Variants in RNF10 observed in about 807,000 individuals in gnomAD.
RNF10 encodes the protein E3 ubiquitin-protein ligase RNF10.
A neutral mutation model predicts 91.4 loss-of-function variants in RNF10; 38 were observed. The observed-to-expected ratio is 0.42, with a 90% CI of 0.32 to 0.54. The LOEUF (loss-of-function observed/expected upper bound fraction) is 0.54, where lower values mean the gene tolerates loss of function less well. RNF10 is among the 20% of genes least tolerant of loss of function. RNF10 has a pLI of 0.16. For synonymous variants in RNF10, 364 were observed against 366.3 expected, an observed-to-expected ratio of 0.99 and a Z score of 0.07; for missense variants, 945 against 1,012.0, an observed-to-expected ratio of 0.93 and a Z score of 0.90.
chr12:120,547,847 G>C (rs1016035882), intron 2 of RNF10, among the ~76,000 whole-genome samples: 1 of 152,158 alleles, frequency 6.6e-6, no homozygotes, highest in Non-Finnish European at 1.5e-5. Flanking sequence ...AACCTGATGC[G>C]GAGTTTTAAA....
chr12:120,546,485 C>T lies in RNF10; in HGVS notation c.238C>T (p.Gln80Ter). 6.2e-7 allele frequency: 1 copy of T among 1,614,146 alleles called. No individual in the cohort carries two copies. Among genetic ancestry groups the T allele is most frequent in the Non-Finnish European group, 8.5e-7 (1 of 1,180,006 alleles). ...CCCCAAAAATGAAAGTTTTAACAAC[C>T]AGTCCCGTCGCTCCAGTTCACAGAA... ...SYPKNESFNNQSRRSSSQKSK... is the reference protein window; with the variant it reads ...SYPKNESFNN Residue 80 changes from glutamine (Q) to a stop codon, truncating the protein, a stop_gained, in exon 2 of 17, where the codon CAG becomes TAG. Coordinates refer to ENST00000325954, the MANE Select transcript of RNF10 (RefSeq NM_014868.5). LOFTEE classifies it high-confidence loss of function.
chr12:120,570,242 A>G (rs1378542898), intron 13 of RNF10: 1 of 144,876 alleles, frequency 6.9e-6, no homozygotes, highest in Admixed American at 7.1e-5. Flanking sequence ...GCTGGAGCAC[A>G]ATGGCACGAT....
chr12:120,567,105 T>G, intron 13 of RNF10, 125 bp downstream of exon 13: 1 of 858,954 alleles, frequency 1.2e-6, no homozygotes, highest in Non-Finnish European at 1.8e-6. Context: ...CTTACTTTGG[T>G]AGTCCTGAGG....
chr12:120,568,142 G>A (rs1876055518), intron 13 of RNF10, among the ~76,000 whole-genome samples: 1 of 152,080 alleles, frequency 6.6e-6, no homozygotes, highest in Non-Finnish European at 1.5e-5. Flanking sequence ...CTACTTGGGA[G>A]GCTGAGGTGG....
chr12:120,569,319 A>G (rs1254856562), intron 13 of RNF10, among the ~76,000 whole-genome samples: 2 of 151,466 alleles, frequency 1.3e-5, no homozygotes, highest in Admixed American at 6.6e-5. Flanking sequence ...CAAAGTGTCC[A>G]TCATTGGAAT....
At chr12:120,562,271 C>CTTTT (rs71076634) in intron 7 of RNF10, among the ~76,000 whole-genome samples, 146 of 100,048 alleles carry the variant, frequency 1.5e-3, no homozygotes, top group South Asian at 3.0e-3. Context: ...TTCTTTCTTT[C>CTTTT]TTTTTTTTTT....
chr12:120,548,808 CTA>C (rs1872660827), intron 2 of RNF10, among the ~76,000 whole-genome samples: 1 of 151,806 alleles, frequency 6.6e-6, no homozygotes, highest in African/African-American at 2.4e-5. Flanking sequence ...ACAGCTGGGA[CTA>C]TTAGCCCACC....
intron 4 of RNF10, among the ~76,000 whole-genome samples, chr12:120,556,541 A>AC (rs1466350728): frequency 1.3e-5 from 2 of 150,192 alleles, no homozygotes; most frequent in African/African-American, 4.9e-5. Context: ...AAAAAAAAAA[A>AC]AAAAAAAAAA....
Position 120,575,685 on chromosome 12 carries a change from A to G in RNF10, c.2197A>G (p.Lys733Glu). ...ADVWPKTAPK[K>E]DENSLVPPAP... ...TGTGTGGCCCAAAACTGCTCCAAAGAAAGGTGAGGATGGTCCACTGGTGAA... is the reference window on the plus strand; with the variant it reads ...TGTGTGGCCCAAAACTGCTCCAAAGGAAGGTGAGGATGGTCCACTGGTGAA... Residue 733 changes from lysine to glutamate, a missense_variant, in exon 15 of 17, where the codon AAA becomes GAA. Coordinates refer to ENST00000325954, the MANE Select transcript of RNF10 (RefSeq NM_014868.5). 2 of 1,614,204 alleles carry G rather than the reference A, an allele frequency of 1.2e-6. No homozygotes were observed. The highest frequency in any genetic ancestry group is 1.7e-6 in the Non-Finnish European group (2 of 1,180,046).
At chr12:120,569,460 A>G (rs1268489203) in intron 13 of RNF10, among the ~76,000 whole-genome samples, 1 of 151,854 alleles carries the variant, frequency 6.6e-6, no homozygotes, top group Non-Finnish European at 1.5e-5. Context: ...CACTACTGTG[A>G]CGCTCTTCTG....
intron 1 of RNF10, among the ~76,000 whole-genome samples, chr12:120,539,144 C>T (rs908728899): frequency 6.6e-6 from 1 of 152,088 alleles, no homozygotes; most frequent in African/African-American, 2.4e-5. Context: ...AGTTTTCTTT[C>T]TTAATCCTCA....
intron 13 of RNF10, among the ~76,000 whole-genome samples, chr12:120,569,020 G>C (rs1876193014): frequency 6.6e-6 from 1 of 152,132 alleles, no homozygotes; most frequent in African/African-American, 2.4e-5. Context: ...GCCCAGGCTG[G>C]AGTGCAATAG....
At position 120,575,788 on chromosome 12, in the gene RNF10, T is replaced by C. The variant is rs371560189; in HGVS notation, c.2201-4T>C. On this transcript the variant is annotated splice_region_variant and splice_polypyrimidine_tract_variant and intron_variant, in intron 15 of 16. Coordinates refer to ENST00000325954, the MANE Select transcript of RNF10 (RefSeq NM_014868.5). Reference sequence around the variant, plus strand: ...TCTATAGTTTTAACACTGGTATTTTTTAGATGAGAACAGCTTAGTTCCTCC... The same window carrying C: ...TCTATAGTTTTAACACTGGTATTTTCTAGATGAGAACAGCTTAGTTCCTCC... 1.2e-6 allele frequency: 2 copies of C among 1,614,084 alleles called. No individual in the cohort carries two copies. Among genetic ancestry groups the C allele is most frequent in the African/African-American group, 2.7e-5 (2 of 74,924 alleles).
rs752652612 is a variant in RNF10 at position 120,534,882 on chromosome 12, C to A, written c.71C>A (p.Ser24Tyr). ...GACAAGAACAGCGGCTCCAACAGCT[C>A]CTCCGCCTCTTCGGGCAGCAGCAAA... Reference protein sequence around the residue: ...DMDKNSGSNSSSASSGSSKGQ... With the variant: ...DMDKNSGSNSYSASSGSSKGQ... The change falls in exon 1 of 17, where the codon TCC becomes TAC. Residue 24 changes from serine (S) to tyrosine (Y), a missense_variant. Coordinates refer to ENST00000325954, the MANE Select transcript of RNF10 (RefSeq NM_014868.5). 2 of 1,608,586 alleles carry A rather than the reference C, an allele frequency of 1.2e-6. No homozygotes were observed. Among genetic ancestry groups the A allele is most frequent in the East Asian group, 4.5e-5 (2 of 44,812 alleles).
chr12:120,559,361 T>TTG (rs960349444), intron 6 of RNF10, among the ~76,000 whole-genome samples: 25 of 151,738 alleles, frequency 1.6e-4, no homozygotes, highest in South Asian at 8.3e-4. Flanking sequence ...TTTGTTTTTT[T>TTG]TGTGTGTGTG....
chr12:120,557,332 T>C lies in RNF10; in HGVS notation c.696T>C (p.Pro232=). The change falls in exon 5 of 17, where the codon CCT becomes CCC. Residue 232 remains proline, a synonymous_variant. Transcript: ENST00000325954. ...CTTGCCCAATATGCCTCTATCCACC[T>C]ACTGCAGCCAAGATAACCCGTTGTG... ...VPSCPICLYP[P]TAAKITRCGH... 6.2e-7 allele frequency: 1 copy of C among 1,614,172 alleles called. No individual in the cohort carries two copies. The highest frequency in any genetic ancestry group is 8.5e-7 in the Non-Finnish European group (1 of 1,180,036).
At chr12:120,543,778 T>C (rs1490353573) in intron 1 of RNF10, among the ~76,000 whole-genome samples, 1 of 144,686 alleles carries the variant, frequency 6.9e-6, no homozygotes, top group Non-Finnish European at 1.5e-5. Flanking sequence ...CCAGCCTGGG[T>C]GACAAAAGTA....
At chr12:120,548,124 GA>G (rs1157368687) in intron 2 of RNF10, among the ~76,000 whole-genome samples, 3 of 152,188 alleles carry the variant, frequency 2.0e-5, no homozygotes, top group African/African-American at 7.2e-5. Context: ...TTTTTTGGGA[GA>G]GGGGAATAGG....
rs139788197 is a variant in RNF10, at chr12:120,571,198, G to A, written c.2049G>A (p.Leu683=). 2.5e-6 allele frequency: 4 copies of A among 1,612,888 alleles called. No homozygotes were observed. The African/African-American group carries it at 5.3e-5, about 22-fold the overall frequency. Residue 683 remains leucine, a synonymous_variant, in exon 14 of 17, where the codon CTG becomes CTA. Transcript: ENST00000325954. ...SRSPGSHADF[L]LTPLSPTASQ... ...TCTCTGGTTCCCTTTCAGACTTTCT[G>A]CTGACCCCTCTGTCACCCACTGCCA...
Sources: gnomAD v4.1 joint callset for allele counts (sites outside exome capture counted in the v4.1 genomes callset) on GRCh38, gnomAD v4.1.1 for gene constraint, MANE v1.5 for transcripts, NCBI Gene and HGNC (gene_info 2026-07-23, HGNC 2026-07-21) for gene names.